Variants in ANAPC10 observed in about 807,000 individuals in gnomAD.
ANAPC10 encodes anaphase-promoting complex subunit 10.
A neutral mutation model predicts 22.0 loss-of-function variants in ANAPC10; 12 were observed. That is an observed-to-expected ratio of 0.55 (90% CI 0.35 to 0.88). The LOEUF (loss-of-function observed/expected upper bound fraction) is 0.88. Among genes scored for constraint, ANAPC10 ranks in the 40% least tolerant of loss-of-function variants. ANAPC10 has a pLI of 0.01. For missense variants in ANAPC10, 188 were observed against 220.9 expected, an observed-to-expected ratio of 0.85 and a Z score of 0.94; for synonymous variants, 65 against 69.5, an observed-to-expected ratio of 0.94 and a Z score of 0.32.
intron 4 of ANAPC10, among the ~76,000 whole-genome samples, chr4:145,044,160 T>G (rs1366535267): frequency 6.6e-6 from 1 of 152,094 alleles, no homozygotes; most frequent in East Asian, 1.9e-4. Flanking sequence ...AGTATTTGCA[T>G]TATATTGATG....
chr4:145,037,032 GTGTGTGTA>G (rs879407587), intron 4 of ANAPC10, among the ~76,000 whole-genome samples: 2,589 of 125,174 alleles, frequency 0.021, 42 homozygotes, highest in African/African-American at 0.029. Flanking sequence ...GTGTGTGTGT[GTGTGTGTA>G]TGTGTGTGCA....
chr4:145,026,946 T>TATATATATATATATATATATATGTGTGG, intron 4 of ANAPC10, among the ~76,000 whole-genome samples: 1 of 5,210 alleles, frequency 1.9e-4, no homozygotes, highest in Non-Finnish European at 1.0e-3. Context: ...TATATATATA[T>TATATATATATATATATATATATGTGTGG]GTGTGTGTGT....
intron 4 of ANAPC10, among the ~76,000 whole-genome samples, chr4:145,015,885 C>T (rs1167050110): frequency 1.3e-5 from 2 of 152,090 alleles, no homozygotes; most frequent in Non-Finnish European, 2.9e-5. Flanking sequence ...CAAACAAGTG[C>T]TGACAAAATT....
rs547018904 is a variant in ANAPC10, at chr4:145,075,157, T to C, written c.206+6503A>G. On this transcript the variant is annotated intron_variant, in intron 3 of 4. Transcript: ENST00000507656. ...CTTACCTTATTGCATCCCAAAATCA[T>C]ACTAGCTTTTTTAGCAACCACATCA... 1.2e-4 allele frequency among the ~76,000 whole-genome samples: 19 copies of C among 152,252 alleles called. No homozygotes were observed. The East Asian group carries it at 3.3e-3, about 26-fold the overall frequency.
chr4:145,066,931 A>G (rs935736161), intron 3 of ANAPC10, among the ~76,000 whole-genome samples: 4 of 152,174 alleles, frequency 2.6e-5, no homozygotes, highest in Non-Finnish European at 4.4e-5. Context: ...TTCAATAGTC[A>G]TTGATACGAG....
At chr4:145,007,485 C>G (rs1048689504) in intron 4 of ANAPC10, among the ~76,000 whole-genome samples, 20 of 151,228 alleles carry the variant, frequency 1.3e-4, no homozygotes, top group African/African-American at 4.4e-4. Context: ...GTCTCTCAGA[C>G]CACAATGCAA....
intron 3 of ANAPC10, among the ~76,000 whole-genome samples, chr4:145,065,425 T>A (rs1457411172): frequency 2.6e-5 from 4 of 152,064 alleles, no homozygotes; most frequent in Non-Finnish European, 5.9e-5. Flanking sequence ...CTGATAGTAC[T>A]CAAATTTGAT....
chr4:145,044,629 T>C (rs1005481659), intron 4 of ANAPC10, among the ~76,000 whole-genome samples: 1 of 152,130 alleles, frequency 6.6e-6, no homozygotes, highest in Non-Finnish European at 1.5e-5. Context: ...TCTATTATAC[T>C]GACAGGGTCA....
rs868128443 is a variant in ANAPC10 at position 145,008,894 on chromosome 4, A to T, written c.328-13291T>A. ...CATTCAATTACGAAAAGAGGAAGTC[A>T]TATTGTCCCTGTTTGCAGATGACAT... On this transcript the variant is annotated intron_variant, in intron 4 of 4. Transcript: ENST00000507656. Among the ~76,000 whole-genome samples the T allele has an allele frequency of 3.9e-5, 6 of 152,306 alleles. 1 individual carries two copies. Among genetic ancestry groups the T allele is most frequent in the African/African-American group, 7.2e-5 (3 of 41,544 alleles).
At chr4:145,070,008 A>G (rs1013098249) in intron 3 of ANAPC10, among the ~76,000 whole-genome samples, 1 of 152,200 alleles carries the variant, frequency 6.6e-6, no homozygotes, top group African/African-American at 2.4e-5. Context: ...GTGAATAACT[A>G]AATAATTTAA....
At chr4:144,996,603 G>C (rs1462980906) in intron 4 of ANAPC10, among the ~76,000 whole-genome samples, 1 of 152,106 alleles carries the variant, frequency 6.6e-6, no homozygotes, top group Non-Finnish European at 1.5e-5. Context: ...AAAGACCGAA[G>C]GTAGATAAAA....
At chr4:145,082,945 T>C (rs1746289624) in intron 2 of ANAPC10, among the ~76,000 whole-genome samples, 3 of 152,200 alleles carry the variant, frequency 2.0e-5, no homozygotes, top group Non-Finnish European at 4.4e-5. Flanking sequence ...TCTCCAAATA[T>C]AGTTAATGTT....
At chr4:145,024,061 C>G (rs1202111727) in intron 4 of ANAPC10, among the ~76,000 whole-genome samples, 1 of 152,134 alleles carries the variant, frequency 6.6e-6, no homozygotes, top group Non-Finnish European at 1.5e-5. Flanking sequence ...GATTCAACCT[C>G]AAGAAACTAC....
intron 4 of ANAPC10, among the ~76,000 whole-genome samples, chr4:145,040,504 T>G (rs556875739): frequency 1.3e-5 from 2 of 152,226 alleles, no homozygotes; most frequent in Non-Finnish European, 2.9e-5. Flanking sequence ...CTTTGCTCCT[T>G]TCAGCTACCA....
intron 4 of ANAPC10, among the ~76,000 whole-genome samples, chr4:145,042,143 C>A (rs1328782690): frequency 6.6e-6 from 1 of 152,146 alleles, no homozygotes; most frequent in Non-Finnish European, 1.5e-5. Context: ...AGACTGCCAA[C>A]ACACTAGACT....
intron 2 of ANAPC10, among the ~76,000 whole-genome samples, chr4:145,093,976 T>C (rs1490587525): frequency 1.3e-5 from 2 of 152,228 alleles, no homozygotes; most frequent in Non-Finnish European, 2.9e-5. Flanking sequence ...AAAAGTCATA[T>C]ACCATCAGTT....
intron 4 of ANAPC10, among the ~76,000 whole-genome samples, chr4:145,025,500 A>C (rs1231203515): frequency 2.0e-5 from 3 of 151,854 alleles, no homozygotes; most frequent in Non-Finnish European, 4.4e-5. Context: ...AGAGGGAGGG[A>C]GATGGGAAAC....
intron 1 of ANAPC10, chr4:145,097,603 G>A: frequency 8.8e-7 from 1 of 1,136,302 alleles, no homozygotes; most frequent in Non-Finnish European, 1.2e-6. Context: ...ACTTTGGCAA[G>A]GCCTGAGGCT....
In ANAPC10 at chr4:145,046,061, G is replaced by A. The variant is rs115819239; in HGVS notation, c.327+18511C>T. ...AAAGCAAATGCCCTGTTACAGGAGC[G>A]CACCCTAAGCATTTCTAAAAATCCA... On this transcript the variant is annotated intron_variant, in intron 4 of 4. Coordinates refer to ENST00000507656, the MANE Select transcript of ANAPC10 (RefSeq NM_001256706.2). Among the ~76,000 whole-genome samples the A allele has an allele frequency of 4.4e-3, 664 of 152,082 alleles. 7 individuals are homozygous for A. The highest frequency in any genetic ancestry group is 0.015 in the African/African-American group (630 of 41,516).
Sources: allele counts gnomAD v4.1 joint callset (sites outside exome capture counted in the v4.1 genomes callset), GRCh38; gene constraint gnomAD v4.1.1; transcripts MANE v1.5; gene names NCBI Gene and HGNC (gene_info 2026-07-23, HGNC 2026-07-21).